The following MAGI2 variants were observed in gnomAD, a reference collection of about 807,000 sequenced individuals.
MAGI2 encodes membrane-associated guanylate kinase, WW and PDZ domain-containing protein 2.
In MAGI2, 35 loss-of-function variants were observed where a neutral mutation model predicts 133.3. That is an observed-to-expected ratio of 0.26 (90% CI 0.20 to 0.35). The LOEUF (loss-of-function observed/expected upper bound fraction) is 0.35. Ranked by LOEUF, MAGI2 falls within the 10% of genes least tolerant of loss-of-function variation. MAGI2 has a pLI of 1.00. For missense variants in MAGI2, 1,636 were observed against 1,863.4 expected (o/e 0.88, Z 2.25); for synonymous variants, 729 against 710.6 (o/e 1.03, Z -0.41).
intron 6 of MAGI2, among the ~76,000 whole-genome samples, chr7:78,387,608 T>C (rs1795502113): frequency 6.6e-6 from 1 of 152,040 alleles, no homozygotes; most frequent in Admixed American, 6.6e-5. Context: ...AATGAAGGCT[T>C]CAAACAAGAT....
intron 9 of MAGI2, among the ~76,000 whole-genome samples, chr7:78,261,367 C>T (rs535380254): frequency 6.6e-6 from 1 of 152,122 alleles, no homozygotes; most frequent in Non-Finnish European, 1.5e-5. Flanking sequence ...CATTTCCTTC[C>T]TCACCTCTTC....
intron 2 of MAGI2, among the ~76,000 whole-genome samples, chr7:78,672,334 T>C (rs1029876278): frequency 2.0e-5 from 3 of 152,128 alleles, no homozygotes; most frequent in Admixed American, 6.6e-5. Context: ...TCTTATATCA[T>C]GAATAAAAGC....
rs574018396 is a variant in MAGI2 at position 78,617,013 on chromosome 7, A to G, written c.538+10107T>C. On this transcript the variant is annotated intron_variant, in intron 3 of 21. Transcript: ENST00000354212. ...ATGGATACAGAATAAATGGTCAATT[A>G]TAAGTGCAATAAAAAATAAATAATT... 2.6e-5 allele frequency: 4 copies of G among 152,320 alleles called. No homozygotes were observed. In the East Asian group the frequency reaches 5.8e-4, roughly 22 times the overall value. 9.4% of individuals were successfully genotyped at this position (152,320 alleles called of 1,614,324 possible). A position where few individuals can be genotyped will look rare whatever the true frequency, so the allele number is the denominator to read the frequency against.
chr7:78,738,000 C>T (rs1261793266), intron 2 of MAGI2, among the ~76,000 whole-genome samples: 1 of 151,928 alleles, frequency 6.6e-6, no homozygotes, highest in Non-Finnish European at 1.5e-5. Flanking sequence ...CATTTCATTA[C>T]AAATAAATTT....
intron 20 of MAGI2, among the ~76,000 whole-genome samples, chr7:78,081,917 C>T (rs1384215473): frequency 3.9e-5 from 6 of 152,152 alleles, no homozygotes; most frequent in African/African-American, 1.4e-4. Flanking sequence ...AGGACAATGA[C>T]ACAGAGTCTG....
chr7:79,425,255 A>G (rs78261313), intron 1 of MAGI2, among the ~76,000 whole-genome samples: 2 of 90,224 alleles, frequency 2.2e-5, no homozygotes, highest in African/African-American at 8.0e-5. Context: ...CCGTCTCAGA[A>G]AAAAAAAAAA....
intron 2 of MAGI2, among the ~76,000 whole-genome samples, chr7:78,895,825 G>C (rs1439055521): frequency 1.3e-5 from 2 of 152,070 alleles, no homozygotes; most frequent in African/African-American, 4.8e-5. Context: ...TTATAGTTTT[G>C]AGGAAAAAGG....
intron 9 of MAGI2, among the ~76,000 whole-genome samples, chr7:78,256,919 T>C (rs1336540860): frequency 6.6e-6 from 1 of 152,224 alleles, no homozygotes; most frequent in Non-Finnish European, 1.5e-5. Flanking sequence ...ATATTCCATC[T>C]TCAGTGTAAT....
intron 1 of MAGI2, among the ~76,000 whole-genome samples, chr7:79,421,199 G>T (rs548402513): frequency 6.6e-6 from 1 of 151,982 alleles, no homozygotes; most frequent in Admixed American, 6.6e-5. Context: ...CAGCTGATTT[G>T]CAGGCAAATG....
At chr7:79,452,816 G>T in intron 1 of MAGI2, 1 of 583,878 alleles carries the variant, frequency 1.7e-6, no homozygotes, top group East Asian at 3.0e-5. Flanking sequence ...AAAGTTGCAC[G>T]CCACACCACA....
At chr7:79,030,059 C>T (rs1387728164) in intron 1 of MAGI2, among the ~76,000 whole-genome samples, 1 of 152,172 alleles carries the variant, frequency 6.6e-6, no homozygotes, top group Non-Finnish European at 1.5e-5. Flanking sequence ...AGGAGTATGT[C>T]ACATCCTCCA....
chr7:79,277,130 T>C (rs1391625088), intron 1 of MAGI2, among the ~76,000 whole-genome samples: 1 of 152,088 alleles, frequency 6.6e-6, no homozygotes, highest in Non-Finnish European at 1.5e-5. Flanking sequence ...AAAGAGTCAA[T>C]TGATGCAGCA....
intron 20 of MAGI2, among the ~76,000 whole-genome samples, chr7:78,123,898 T>C (rs1820709783): frequency 6.6e-6 from 1 of 152,162 alleles, no homozygotes; most frequent in Admixed American, 6.5e-5. Context: ...AGTTTCCAGG[T>C]GATGCTGATG....
chr7:78,113,157 G>C (rs900712708), intron 20 of MAGI2, among the ~76,000 whole-genome samples: 2 of 151,902 alleles, frequency 1.3e-5, no homozygotes, highest in African/African-American at 4.8e-5. Context: ...GAACACGCAG[G>C]GAGGGGGACT....
chr7:78,338,801 A>G (rs983899251), intron 9 of MAGI2, among the ~76,000 whole-genome samples: 2 of 152,198 alleles, frequency 1.3e-5, no homozygotes, highest in Non-Finnish European at 2.9e-5. Flanking sequence ...TATCATCCCT[A>G]TAAAAGCCTA....
At chr7:78,785,658 C>A (rs1308128179) in intron 2 of MAGI2, among the ~76,000 whole-genome samples, 1 of 152,168 alleles carries the variant, frequency 6.6e-6, no homozygotes, top group East Asian at 1.9e-4. Flanking sequence ...TTTGAGAAAG[C>A]CATACTATTT....
intron 10 of MAGI2, among the ~76,000 whole-genome samples, chr7:78,206,450 C>A (rs1829755217): frequency 6.6e-6 from 1 of 152,028 alleles, no homozygotes; most frequent in African/African-American, 2.4e-5. Flanking sequence ...TGCCACCATG[C>A]CCAGCTAATT....
At chr7:78,057,710 G>A (rs1349329942) in intron 21 of MAGI2, among the ~76,000 whole-genome samples, 1 of 151,966 alleles carries the variant, frequency 6.6e-6, no homozygotes, top group Non-Finnish European at 1.5e-5. Flanking sequence ...TTGGAGCTTT[G>A]GATGTAGAGA....
intron 10 of MAGI2, among the ~76,000 whole-genome samples, chr7:78,224,694 ATTT>A (rs566236945): frequency 1.8e-4 from 25 of 142,340 alleles, no homozygotes; most frequent in Admixed American, 5.6e-4. Context: ...AACAACGTAA[ATTT>A]TTTTTTTTTT....
Sources: gnomAD v4.1 joint callset for allele counts (sites outside exome capture counted in the v4.1 genomes callset) on GRCh38, gnomAD v4.1.1 for gene constraint, MANE v1.5 for transcripts, NCBI Gene and HGNC (gene_info 2026-07-23, HGNC 2026-07-21) for gene names.